Variants in CACNA2D3 observed in about 807,000 individuals in gnomAD.
The protein encoded by CACNA2D3 is voltage-dependent calcium channel subunit alpha-2/delta-3.
CACNA2D3 carries 60 observed loss-of-function variants against 160.6 expected under a neutral mutation model. The observed-to-expected ratio is 0.37, with a 90% CI of 0.30 to 0.46. CACNA2D3 has a LOEUF of 0.46. Among genes scored for constraint, CACNA2D3 ranks in the 20% least tolerant of loss-of-function variants. The probability of loss-of-function intolerance (pLI) is 1.00; values close to 1 mark genes in which losing one functional copy is unlikely to be tolerated. For synonymous variants in CACNA2D3, 558 were observed against 492.9 expected, an observed-to-expected ratio of 1.13 and a Z score of -1.75; for missense variants, 1,205 against 1,365.0, an observed-to-expected ratio of 0.88 and a Z score of 1.85.
chr3:54,440,753 T>C (rs1384091877), intron 4 of CACNA2D3, among the ~76,000 whole-genome samples: 3 of 152,106 alleles, frequency 2.0e-5, no homozygotes, highest in Non-Finnish European at 4.4e-5. Context: ...TTTTTGTCCT[T>C]GCGATAGTTT....
At chr3:54,347,584 T>A (rs1186425941) in intron 3 of CACNA2D3, among the ~76,000 whole-genome samples, 1 of 152,022 alleles carries the variant, frequency 6.6e-6, no homozygotes, top group South Asian at 2.1e-4. Context: ...AAACATCAGA[T>A]GTTTGTGGGA....
At chr3:54,873,804 C>A (rs367851301) in intron 18 of CACNA2D3, among the ~76,000 whole-genome samples, 45 of 152,316 alleles carry the variant, frequency 3.0e-4, no homozygotes, top group African/African-American at 9.9e-4. Flanking sequence ...CCTTCTCTAT[C>A]AACATATTTG....
At chr3:54,971,229 C>A (rs1351374550) in intron 29 of CACNA2D3, among the ~76,000 whole-genome samples, 1 of 152,176 alleles carries the variant, frequency 6.6e-6, no homozygotes, top group African/African-American at 2.4e-5. Context: ...ATGGTCCACA[C>A]CCTTTTCAGC....
At chr3:54,461,909 C>A in intron 4 of CACNA2D3, among the ~76,000 whole-genome samples, 1 of 152,176 alleles carries the variant, frequency 6.6e-6, no homozygotes, top group Non-Finnish European at 1.5e-5. Flanking sequence ...CTGTTGTGGG[C>A]ATTTAGTGCT....
At chr3:54,653,677 G>A (rs939440066) in intron 11 of CACNA2D3, among the ~76,000 whole-genome samples, 3 of 152,210 alleles carry the variant, frequency 2.0e-5, no homozygotes, top group Non-Finnish European at 2.9e-5. Flanking sequence ...AGACAAGTTA[G>A]GAACGAAGCC....
chr3:54,815,111 C>T (rs1703417048), intron 13 of CACNA2D3, among the ~76,000 whole-genome samples: 1 of 152,108 alleles, frequency 6.6e-6, no homozygotes, highest in Non-Finnish European at 1.5e-5. Flanking sequence ...AGTTTCTCAT[C>T]TCGTGGTCTA....
At chr3:54,891,518 A>G (rs1700068973) in intron 25 of CACNA2D3, 68 bp downstream of exon 25, 1 of 1,211,584 alleles carries the variant, frequency 8.3e-7, no homozygotes. Flanking sequence ...AGGGAAGCTT[A>G]TTTCATTTCT....
At chr3:54,825,241 A>G (rs1320275924) in intron 14 of CACNA2D3, among the ~76,000 whole-genome samples, 1 of 152,170 alleles carries the variant, frequency 6.6e-6, no homozygotes, top group Non-Finnish European at 1.5e-5. Context: ...ACATCCTCGA[A>G]GATATAAAAA....
At chr3:54,505,448 G>A (rs573036399) in intron 5 of CACNA2D3, among the ~76,000 whole-genome samples, 6 of 152,206 alleles carry the variant, frequency 3.9e-5, no homozygotes, top group African/African-American at 1.2e-4. Context: ...GCTCTGGACT[G>A]GGCCATATCC....
chr3:54,547,430 T>C (rs1341252390), intron 5 of CACNA2D3, among the ~76,000 whole-genome samples: 1 of 152,164 alleles, frequency 6.6e-6, no homozygotes, highest in African/African-American at 2.4e-5. Flanking sequence ...CCAGATCTCT[T>C]GTGAGATTTG....
At position 54,764,290 on chromosome 3, in the gene CACNA2D3, G is replaced by T; in HGVS notation, c.1319G>T (p.Arg440Leu). The change falls in exon 13 of 38, where the codon CGG (arginine) becomes CTG (leucine). Residue 440 changes from arginine to leucine, a missense_variant. Arg to Leu is a moderately radical substitution (Grantham distance 102). This residue lies in a region of CACNA2D3 where 911 missense variants were observed against 1,002.2 expected (regional missense o/e 0.91). Coordinates refer to ENST00000474759, the MANE Select transcript of CACNA2D3 (RefSeq NM_018398.3). ...ATGGAATACCTTCACGTGCTTAGCC[G>T]GCCCAAAGTCATCGACCAGGAGCAT... The part of the protein sequence containing the change: ...NVMEYLHVLS[R>L]PKVIDQEHDV... 6.2e-7 allele frequency: 1 copy of T among 1,613,700 alleles called. No individual in the cohort carries two copies.
At chr3:54,526,364 T>TC (rs1701722638) in intron 5 of CACNA2D3, among the ~76,000 whole-genome samples, 1 of 152,320 alleles carries the variant, frequency 6.6e-6, no homozygotes, top group South Asian at 2.1e-4. Context: ...CTTGTTTTTT[T>TC]CTTTGTGTAT....
chr3:54,716,360 G>T (rs1198113765), intron 11 of CACNA2D3, among the ~76,000 whole-genome samples: 3 of 152,064 alleles, frequency 2.0e-5, no homozygotes, highest in African/African-American at 7.3e-5. Flanking sequence ...AGGGTTTTGA[G>T]GGCTTCGATA....
intron 2 of CACNA2D3, among the ~76,000 whole-genome samples, chr3:54,251,306 G>A (rs1313398978): frequency 6.6e-6 from 1 of 152,144 alleles, no homozygotes; most frequent in Non-Finnish European, 1.5e-5. Context: ...TGTTGCTGGA[G>A]GTGGGAGAAA....
intron 9 of CACNA2D3, among the ~76,000 whole-genome samples, chr3:54,594,977 C>A (rs1315615750): frequency 6.6e-6 from 1 of 152,210 alleles, no homozygotes; most frequent in Admixed American, 6.5e-5. Context: ...ACTATCTGAG[C>A]AGGTAGAGTT....
chr3:54,770,176 C>G (rs1370396037), intron 13 of CACNA2D3, among the ~76,000 whole-genome samples: 1 of 152,122 alleles, frequency 6.6e-6, no homozygotes, highest in African/African-American at 2.4e-5. Flanking sequence ...TATAAATATC[C>G]TATAAAGAGA....
chr3:54,524,251 C>A (rs1701690708), intron 5 of CACNA2D3, among the ~76,000 whole-genome samples: 1 of 152,052 alleles, frequency 6.6e-6, no homozygotes, highest in African/African-American at 2.4e-5. Context: ...TTGATTTCTT[C>A]TTTGATGCAC....
At chr3:54,755,682 T>C (rs1701956148) in intron 12 of CACNA2D3, among the ~76,000 whole-genome samples, 1 of 152,174 alleles carries the variant, frequency 6.6e-6, no homozygotes, top group African/African-American at 2.4e-5. Context: ...CCAGATTTCC[T>C]CTGAGTGAAG....
intron 3 of CACNA2D3, among the ~76,000 whole-genome samples, chr3:54,366,236 C>T (rs776222076): frequency 1.3e-5 from 2 of 152,140 alleles, no homozygotes; most frequent in Non-Finnish European, 2.9e-5. Flanking sequence ...GGAGTAGGAG[C>T]TTGCCAGGCC....
Sources: gnomAD v4.1 joint callset for allele counts (sites outside exome capture counted in the v4.1 genomes callset) on GRCh38, gnomAD v4.1.1 for gene constraint, gnomAD v4.1.1 regional missense constraint, MANE v1.5 for transcripts, NCBI Gene and HGNC (gene_info 2026-07-23, HGNC 2026-07-21) for gene names.